CLCN4: variants seen among roughly 807,000 people sequenced by gnomAD.
CLCN4 encodes H(+)/Cl(-) exchange transporter 4.
In CLCN4, 1 loss-of-function variant was observed where a neutral mutation model predicts 41.7. The ratio of observed to expected loss-of-function variants is 0.02; its 90% confidence interval spans 0.01 to 0.11. The LOEUF (loss-of-function observed/expected upper bound fraction) is 0.11. Ranked by LOEUF, CLCN4 falls within the 10% of genes least tolerant of loss-of-function variation. The pLI is 1.00. For synonymous variants in CLCN4, 277 were observed against 285.8 expected (o/e 0.97, Z 0.31); for missense variants, 287 against 661.0 (o/e 0.43, Z 6.20).
At chrX:10,190,532 A>G (rs989335600) in intron 4 of CLCN4, among the ~76,000 whole-genome samples, 2 of 111,489 alleles carry the variant, frequency 1.8e-5, no homozygotes, top group Non-Finnish European at 3.8e-5. Flanking sequence ...GAAATACTAA[A>G]TATTATGGTT....
intron 3 of CLCN4, among the ~76,000 whole-genome samples, chrX:10,186,606 G>A (rs962069532): frequency 1.8e-5 from 2 of 111,172 alleles, no homozygotes; most frequent in African/African-American, 3.3e-5. Context: ...ATCGCCTCAC[G>A]AGGGCTGGCA....
chrX:10,230,769 C>A (rs904889281), intron 12 of CLCN4, among the ~76,000 whole-genome samples: 1 of 112,089 alleles, frequency 8.9e-6, no homozygotes, highest in African/African-American at 3.2e-5. Context: ...CCCTTCACTC[C>A]CCTCAGTTTC....
intron 12 of CLCN4, among the ~76,000 whole-genome samples, chrX:10,228,306 G>T (rs1016346846): frequency 1.3e-4 from 14 of 109,325 alleles, no homozygotes; most frequent in African/African-American, 4.0e-4. Context: ...AGGGTTAAAG[G>T]GAATTGGTTG....
intron 2 of CLCN4, among the ~76,000 whole-genome samples, chrX:10,171,594 T>G (rs1344490514): frequency 8.9e-6 from 1 of 111,958 alleles, no homozygotes; most frequent in Non-Finnish European, 1.9e-5. Flanking sequence ...GTGCTCGCTG[T>G]GTCATGGGCC....
Position 10,222,605 on chromosome X carries a change from T to C in CLCN4, c.2192+1728T>C, listed in dbSNP as rs1924887540. ...GCTATTGGCATCTAGTGAGTAGAGGTCAGGGGCGCTGCTAAACATCCTGCA... is the reference window on the plus strand; with the variant it reads ...GCTATTGGCATCTAGTGAGTAGAGGCCAGGGGCGCTGCTAAACATCCTGCA... On this transcript the variant is annotated intron_variant, in intron 12 of 12. Coordinates refer to ENST00000380833, the MANE Select transcript of CLCN4 (RefSeq NM_001830.4). Among the ~76,000 whole-genome samples the C allele has an allele frequency of 2.7e-5, 3 of 110,821 alleles. No homozygotes were observed. In the Admixed American group the frequency reaches 2.9e-4, roughly 11 times the overall value.
At chrX:10,194,841 C>T (rs1466251781) in intron 4 of CLCN4, 70 bp from the exon 5 acceptor site, 17 of 1,080,065 alleles carry the variant, frequency 1.6e-5, no homozygotes, top group Admixed American at 4.5e-5. Context: ...CCTGTCTGGC[C>T]GCCGTGTTGG....
chrX:10,194,940 G>A lies in CLCN4; in HGVS notation c.274G>A (p.Val92Met), dbSNP rs1569227811. Residue 92 changes from valine (V) to methionine (M), a missense_variant, in exon 5 of 13, where the codon GTG becomes ATG. By Grantham distance (21) the Val-to-Met change is conservative. Around this residue, in one of 6 missense-constraint regions of CLCN4, gnomAD observed 90 missense variants for 209.8 expected, o/e 0.43. Coordinates refer to ENST00000380833, the MANE Select transcript of CLCN4 (RefSeq NM_001830.4). ...CTTGGCTGGGGTCATCGATCTCGCCGTGGACTGGATGACGGACCTGAAGGA... is the reference window on the plus strand; with the variant it reads ...CTTGGCTGGGGTCATCGATCTCGCCATGGACTGGATGACGGACCTGAAGGA... ...GTLAGVIDLA[V>M]DWMTDLKEGV... 3.3e-6 allele frequency: 4 copies of A among 1,211,484 alleles called. No homozygotes were observed. The highest frequency in any genetic ancestry group is 3.5e-5 in the South Asian group (2 of 56,958).
At position 10,234,604 on chromosome X, in the gene CLCN4, A is replaced by G. The variant is rs908008652; in HGVS notation, c.*1020A>G. On this transcript the variant is annotated 3_prime_UTR_variant, in exon 13 of 13. Coordinates refer to ENST00000380833, the MANE Select transcript of CLCN4 (RefSeq NM_001830.4). ...TACGGCTGTGGAGAGGATGAGGCAT[A>G]TGCGTTGTCAGTTGGAATCCCTCCA... 8.9e-6 allele frequency: 1 copy of G among 112,609 alleles called. No individual in the cohort carries two copies. Among genetic ancestry groups the G allele is most frequent in the African/African-American group, 3.2e-5 (1 of 30,920 alleles). 9.3% of individuals were successfully genotyped at this position (112,609 alleles called of 1,213,427 possible). A position where few individuals can be genotyped will look rare whatever the true frequency, so the allele number is the denominator to read the frequency against.
At chrX:10,177,453 C>T (rs1602141943) in intron 2 of CLCN4, among the ~76,000 whole-genome samples, 1 of 112,115 alleles carries the variant, frequency 8.9e-6, no homozygotes, top group African/African-American at 3.2e-5. Context: ...GATTTCATTT[C>T]TTTAAAGTTC....
intron 4 of CLCN4, 101 bp from the exon 5 acceptor site, chrX:10,194,810 G>C: frequency 1.3e-6 from 1 of 768,146 alleles, no homozygotes; most frequent in Non-Finnish European, 1.9e-6. Flanking sequence ...CTGGAATCTG[G>C]GCCATCATTG....
Position 10,185,303 on chromosome X carries a change from C to T in CLCN4, c.144+127C>T, listed in dbSNP as rs1602145226. The T allele has an allele frequency of 1.1e-5, 7 of 660,550 alleles. No homozygotes were observed. The East Asian group carries it at 2.6e-4, about 24-fold the overall frequency. 54.4% of individuals were successfully genotyped at this position (660,550 alleles called of 1,213,427 possible). On this transcript the variant is annotated intron_variant, in intron 3 of 12. Coordinates refer to ENST00000380833, the MANE Select transcript of CLCN4 (RefSeq NM_001830.4). Reference sequence around the variant, plus strand: ...GGTTAGGGTCTAAAGAAGAAAAGAGCCAGTGGGAGGAGCAGATATATTGGC... The same window carrying T: ...GGTTAGGGTCTAAAGAAGAAAAGAGTCAGTGGGAGGAGCAGATATATTGGC...
intron 4 of CLCN4, among the ~76,000 whole-genome samples, chrX:10,191,618 T>C (rs5934806): frequency 0.38 from 41,096 of 108,026 alleles, 6,781 homozygotes; most frequent in African/African-American, 0.61. Flanking sequence ...CGTTACAGAC[T>C]GGGCTTGAGC....
At chrX:10,215,308 T>G (rs1417539936) in intron 11 of CLCN4, among the ~76,000 whole-genome samples, 1 of 112,130 alleles carries the variant, frequency 8.9e-6, no homozygotes, top group Non-Finnish European at 1.9e-5. Context: ...AAAATATCTT[T>G]AAGGCATCTT....
intron 5 of CLCN4, among the ~76,000 whole-genome samples, chrX:10,197,296 A>G (rs1225183542): frequency 2.7e-5 from 3 of 111,994 alleles, no homozygotes; most frequent in African/African-American, 9.8e-5. Context: ...TGCCTCTCAA[A>G]TGTTAGTGCG....
At chrX:10,229,544 G>A (rs1412246539) in intron 12 of CLCN4, among the ~76,000 whole-genome samples, 8 of 85,364 alleles carry the variant, frequency 9.4e-5, no homozygotes, top group Admixed American at 2.7e-4. Flanking sequence ...TCCCTCCCCC[G>A]TCCCCCCACC....
Position 10,206,825 on chromosome X carries a change from G to A in CLCN4, c.843+49G>A, listed in dbSNP as rs758939291. On this transcript the variant is annotated intron_variant, in intron 8 of 12. Transcript: ENST00000380833. ...TTCGTGATTTTGAGCAGCAAGGCCC[G>A]TTGAGGGTTAGAATCAAAGAAGTAT... 8.8e-6 allele frequency: 8 copies of A among 907,726 alleles called. No individual in the cohort carries two copies. The East Asian group carries it at 9.4e-5, about 11-fold the overall frequency. 74.8% of individuals were successfully genotyped at this position (907,726 alleles called of 1,213,427 possible).
At chrX:10,216,178 AAAAG>A (rs1285808706) in intron 11 of CLCN4, among the ~76,000 whole-genome samples, 139 of 112,639 alleles carry the variant, frequency 1.2e-3, no homozygotes, top group Middle Eastern at 9.2e-3. Flanking sequence ...TATGGATCAG[AAAAG>A]AAAGGTAAGT....
At chrX:10,183,224 G>A (rs1345277527) in intron 2 of CLCN4, among the ~76,000 whole-genome samples, 3 of 111,874 alleles carry the variant, frequency 2.7e-5, no homozygotes, top group Admixed American at 1.9e-4. Flanking sequence ...CACTCATCAG[G>A]GGGTATTATT....
At chrX:10,207,045 G>C (rs772061181) in intron 8 of CLCN4, among the ~76,000 whole-genome samples, 3 of 110,711 alleles carry the variant, frequency 2.7e-5, no homozygotes, top group African/African-American at 9.9e-5. Flanking sequence ...CCAGCCTCCT[G>C]AGTAGCTGGG....
Sources: allele counts gnomAD v4.1 joint callset (sites outside exome capture counted in the v4.1 genomes callset), GRCh38; gene constraint gnomAD v4.1.1; regional missense constraint gnomAD v4.1.1; transcripts MANE v1.5; gene names NCBI Gene and HGNC (gene_info 2026-07-23, HGNC 2026-07-21).